Variants in ZMYM4 observed in about 807,000 individuals in gnomAD.
ZMYM4 encodes the protein zinc finger MYM-type protein 4.
A neutral mutation model predicts 183.2 loss-of-function variants in ZMYM4; 31 were observed. That is an observed-to-expected ratio of 0.17 (90% CI 0.13 to 0.23). The LOEUF (loss-of-function observed/expected upper bound fraction) is 0.23. Among genes scored for constraint, ZMYM4 ranks in the 10% least tolerant of loss-of-function variants. The pLI is 1.00. For missense variants in ZMYM4, 1,273 were observed against 1,840.3 expected (o/e 0.69, Z 5.64); for synonymous variants, 592 against 631.2 (o/e 0.94, Z 0.93).
chr1:35,281,661 AATATAT>A (rs56216613), intron 1 of ZMYM4, among the ~76,000 whole-genome samples: 4 of 148,030 alleles, frequency 2.7e-5, no homozygotes, highest in South Asian at 2.1e-4. Flanking sequence ...TCATATAATA[AATATAT>A]ATATATATAT....
chr1:35,290,192 TC>T (rs1640692987), intron 1 of ZMYM4, among the ~76,000 whole-genome samples: 1 of 152,228 alleles, frequency 6.6e-6, no homozygotes, highest in Non-Finnish European at 1.5e-5. Flanking sequence ...GGCCTTGAAC[TC>T]CTGACCTCAA....
chr1:35,302,960 G>A (rs1475438658), intron 1 of ZMYM4, among the ~76,000 whole-genome samples: 1 of 150,770 alleles, frequency 6.6e-6, no homozygotes, highest in African/African-American at 2.4e-5. Context: ...GAGCAATACA[G>A]GGAAACACTG....
chr1:35,316,198 G>A (rs1050011461), intron 1 of ZMYM4, among the ~76,000 whole-genome samples: 1 of 152,140 alleles, frequency 6.6e-6, no homozygotes, highest in African/African-American at 2.4e-5. Context: ...CCAGAGGAGT[G>A]AAGTTTCTCC....
chr1:35,393,267 G>T (rs1295169939), intron 17 of ZMYM4, among the ~76,000 whole-genome samples: 1 of 152,110 alleles, frequency 6.6e-6, no homozygotes, highest in Non-Finnish European at 1.5e-5. Context: ...CAAGTCCTCT[G>T]TGTCTTAATC....
In ZMYM4 at chr1:35,312,070, C is replaced by T. The variant is rs994887238; in HGVS notation, c.40-13290C>T. 7.2e-5 allele frequency among the ~76,000 whole-genome samples: 11 copies of T among 152,054 alleles called. No individual in the cohort carries two copies. In the South Asian group the frequency reaches 2.3e-3, roughly 32 times the overall value. ...CCCTGCCTGTTTTTCTTTCTTTTGG[C>T]ATCCATGGTTTCTGATGGAAAGTCT... On this transcript the variant is annotated intron_variant, in intron 1 of 29. Coordinates refer to ENST00000314607, the MANE Select transcript of ZMYM4 (RefSeq NM_005095.3).
chr1:35,406,041 C>T (rs565585431), intron 25 of ZMYM4, among the ~76,000 whole-genome samples: 1 of 152,302 alleles, frequency 6.6e-6, no homozygotes, highest in South Asian at 2.1e-4. Context: ...AATACTTATA[C>T]AATCTTTATG....
intron 1 of ZMYM4, among the ~76,000 whole-genome samples, chr1:35,295,529 G>A (rs141054566): frequency 4.6e-5 from 7 of 152,236 alleles, no homozygotes; most frequent in South Asian, 2.1e-4. Flanking sequence ...ATTGTAGGAC[G>A]TTTCAGCATC....
At chr1:35,388,804 G>C (rs1644638394) in intron 13 of ZMYM4, 106 bp from the exon 14 acceptor site, 1 of 1,017,800 alleles carries the variant, frequency 9.8e-7, no homozygotes, top group African/African-American at 1.6e-5. Context: ...CCAAAGTGTT[G>C]GGATTACAGG....
At chr1:35,295,903 A>G (rs1325495867) in intron 1 of ZMYM4, 2 of 152,132 alleles carry the variant, frequency 1.3e-5, no homozygotes, top group African/African-American at 4.8e-5. Context: ...TATAGATTAA[A>G]CTGCCCATCT....
At chr1:35,385,321 C>A (rs1644553188) in intron 9 of ZMYM4, 121 bp from the exon 10 acceptor site, 1 of 1,100,200 alleles carries the variant, frequency 9.1e-7, no homozygotes, top group Non-Finnish European at 1.3e-6. Flanking sequence ...GGATTACAAT[C>A]ATAAAAGTTT....
At position 35,370,471 on chromosome 1, in the gene ZMYM4, C is replaced by T. The variant is rs777592198; in HGVS notation, c.1025C>T (p.Ser342Phe). ...VPATAVRVSCSGCKKILQKGQ... is the reference protein window; with the variant it reads ...VPATAVRVSCFGCKKILQKGQ... ...GCCACAGCTGTTCGAGTTTCCTGTTCTGGTTGTAAAAAAATCCTCCAGAAG... is the reference window on the plus strand; with the variant it reads ...GCCACAGCTGTTCGAGTTTCCTGTTTTGGTTGTAAAAAAATCCTCCAGAAG... Residue 342 changes from serine to phenylalanine, a missense_variant, in exon 7 of 30, where the codon TCT becomes TTT. By Grantham distance (155) the Ser-to-Phe change is radical (BLOSUM62 -2). Coordinates refer to ENST00000314607, the MANE Select transcript of ZMYM4 (RefSeq NM_005095.3). The T allele has an allele frequency of 6.2e-7, 1 of 1,602,490 alleles. No homozygotes were observed. The highest frequency in any genetic ancestry group is 8.5e-7 in the Non-Finnish European group (1 of 1,177,450).
At chr1:35,309,154 C>T (rs6425943) in intron 1 of ZMYM4, 604,423 of 606,698 alleles carry the variant, frequency 1, 301,112 homozygotes, top group Non-Finnish European at 1. Context: ...GATGACTTAA[C>T]TGTTGACATT....
At chr1:35,271,464 G>A (rs993759579) in intron 1 of ZMYM4, among the ~76,000 whole-genome samples, 2 of 151,986 alleles carry the variant, frequency 1.3e-5, no homozygotes, top group African/African-American at 4.8e-5. Flanking sequence ...GTGCGGTGGC[G>A]CAATCTCGGC....
chr1:35,372,957 A>G (rs1429455691), intron 7 of ZMYM4, among the ~76,000 whole-genome samples: 1 of 152,204 alleles, frequency 6.6e-6, no homozygotes. Context: ...CAGGAGTTCA[A>G]GACCAGCCTG....
At position 35,293,970 on chromosome 1, in the gene ZMYM4, C is replaced by T. The variant is rs1358104033; in HGVS notation, c.39+24885C>T. Among the ~76,000 whole-genome samples the T allele has an allele frequency of 2.0e-5, 3 of 152,184 alleles. No individual in the cohort carries two copies. In the East Asian group the frequency reaches 5.8e-4, roughly 29 times the overall value. On this transcript the variant is annotated intron_variant, in intron 1 of 29. Coordinates refer to ENST00000314607, the MANE Select transcript of ZMYM4 (RefSeq NM_005095.3). ...CTAATACAGTGAAACCCCATCTCTACTAAAAACACAAAAAATTAGCTGGGC... is the reference window on the plus strand; with the variant it reads ...CTAATACAGTGAAACCCCATCTCTATTAAAAACACAAAAAATTAGCTGGGC...
intron 19 of ZMYM4, 74 bp downstream of exon 19, chr1:35,396,744 G>A: frequency 6.8e-7 from 1 of 1,478,860 alleles, no homozygotes; most frequent in Non-Finnish European, 9.0e-7. Context: ...GTTCTGTGAA[G>A]AAAGTTTTCA....
intron 26 of ZMYM4, 27 bp downstream of exon 26, chr1:35,408,186 C>T (rs772905122): frequency 1.9e-6 from 3 of 1,612,664 alleles, no homozygotes; most frequent in Non-Finnish European, 2.5e-6. Flanking sequence ...ATGGATTCTT[C>T]AACCTAGCAA....
intron 2 of ZMYM4, among the ~76,000 whole-genome samples, chr1:35,330,667 T>C (rs1642702027): frequency 1.3e-5 from 2 of 152,330 alleles, no homozygotes; most frequent in South Asian, 2.1e-4. Flanking sequence ...GTGTACATAG[T>C]GTCTGCTGCA....
intron 2 of ZMYM4, among the ~76,000 whole-genome samples, chr1:35,352,884 A>G (rs911366859): frequency 6.6e-6 from 1 of 152,168 alleles, no homozygotes; most frequent in Non-Finnish European, 1.5e-5. Flanking sequence ...TTTAAGTACC[A>G]TCTCTTCATT....
Sources: gnomAD v4.1 joint callset for allele counts (sites outside exome capture counted in the v4.1 genomes callset) on GRCh38, gnomAD v4.1.1 for gene constraint, MANE v1.5 for transcripts, NCBI Gene and HGNC (gene_info 2026-07-23, HGNC 2026-07-21) for gene names.